Variants in RNF2 observed in about 807,000 individuals in gnomAD.
The protein encoded by RNF2 is E3 ubiquitin-protein ligase RING2.
RNF2 carries 6 observed loss-of-function variants against 37.2 expected under a neutral mutation model. That is an observed-to-expected ratio of 0.16 (90% CI 0.09 to 0.32). The LOEUF (loss-of-function observed/expected upper bound fraction) is 0.32. RNF2 is among the 10% of genes least tolerant of loss of function. The pLI is 1.00. For synonymous variants in RNF2, 133 were observed against 132.7 expected, an observed-to-expected ratio of 1.00 and a Z score of -0.02; for missense variants, 251 against 404.0, an observed-to-expected ratio of 0.62 and a Z score of 3.25.
chr1:185,057,545 A>C (rs184621980), intron 1 of RNF2, among the ~76,000 whole-genome samples: 1 of 152,102 alleles, frequency 6.6e-6, no homozygotes, highest in East Asian at 1.9e-4. Flanking sequence ...CCGTAAGTTT[A>C]CCTTTCCAAG....
chr1:185,097,823 C>G (rs1651955105), intron 4 of RNF2, among the ~76,000 whole-genome samples: 1 of 152,242 alleles, frequency 6.6e-6, no homozygotes, highest in South Asian at 2.1e-4. Flanking sequence ...GTGTGAACCA[C>G]CGTGCCTGGC....
chr1:185,075,161 T>C (rs574041842), intron 1 of RNF2, among the ~76,000 whole-genome samples: 53 of 152,236 alleles, frequency 3.5e-4, no homozygotes, highest in African/African-American at 1.3e-3. Context: ...ACCTGGCTAA[T>C]TTTTTTATTT....
intron 1 of RNF2, among the ~76,000 whole-genome samples, chr1:185,059,499 T>C (rs930555584): frequency 6.6e-6 from 1 of 151,990 alleles, no homozygotes; most frequent in Non-Finnish European, 1.5e-5. Context: ...CAAATTAGTG[T>C]TATCTCTAAT....
intron 1 of RNF2, among the ~76,000 whole-genome samples, chr1:185,048,534 AGTT>A (rs1263368077): frequency 6.6e-6 from 1 of 152,210 alleles, no homozygotes; most frequent in Non-Finnish European, 1.5e-5. Context: ...AATGGTGAAA[AGTT>A]ATTTTTGAAA....
In RNF2 at chr1:185,100,307, T is replaced by TA. The variant is rs1218885121; in HGVS notation, c.*11dup. The TA allele has an allele frequency of 1.9e-6, 3 of 1,586,926 alleles. No individual in the cohort carries two copies. The African/African-American group carries it at 4.1e-5, about 22-fold the overall frequency. On this transcript the variant is annotated 3_prime_UTR_variant, in exon 7 of 7. Coordinates refer to ENST00000367510, the MANE Select transcript of RNF2 (RefSeq NM_007212.4). ...CTACAAAGGAGCACAAATGAGCCTT[T>TA]AAAAACCAATTCTGAGACTGAACTT...
At chr1:185,078,050 A>G (rs901840748) in intron 1 of RNF2, among the ~76,000 whole-genome samples, 7 of 152,202 alleles carry the variant, frequency 4.6e-5, no homozygotes, top group African/African-American at 7.2e-5. Context: ...GTTCGAGACT[A>G]GCCCGGCCAA....
chr1:185,093,026 A>G (rs772114070), intron 3 of RNF2, 35 bp from the exon 4 acceptor site: 2 of 1,591,124 alleles, frequency 1.3e-6, no homozygotes, highest in Admixed American at 1.7e-5. Context: ...AGATACTAGC[A>G]TTGTTTACAT....
At position 185,082,345 on chromosome 1, in the gene RNF2, CTTTTTTTT is replaced by C. The variant is rs3036553; in HGVS notation, c.-2-5192_-2-5185del. 4.0e-4 allele frequency among the ~76,000 whole-genome samples: 29 copies of C among 71,988 alleles called. 1 individual carries two copies. The East Asian group carries it at 4.5e-3, about 11-fold the overall frequency. 47.2% of individuals were successfully genotyped at this position (71,988 alleles called of 152,430 possible). On this transcript the variant is annotated intron_variant, in intron 1 of 6. Coordinates refer to ENST00000367510, the MANE Select transcript of RNF2 (RefSeq NM_007212.4). ...CAAGGTTCTTGTCTCCTCTGCAGAA[CTTTTTTTT>C]TTTTTTTTTTTTTTGAAGACAGAGT...
intron 1 of RNF2, among the ~76,000 whole-genome samples, chr1:185,085,505 A>G (rs763004286): frequency 1.3e-5 from 2 of 151,772 alleles, no homozygotes; most frequent in Non-Finnish European, 2.9e-5. Flanking sequence ...CTCTGTGTCC[A>G]TGTTTAATTG....
chr1:185,073,189 T>A (rs1015524722), intron 1 of RNF2, among the ~76,000 whole-genome samples: 1 of 152,154 alleles, frequency 6.6e-6, no homozygotes, highest in Non-Finnish European at 1.5e-5. Flanking sequence ...CATAGATTTT[T>A]ATGGGTTTTT....
At chr1:185,075,723 A>G (rs1469967373) in intron 1 of RNF2, among the ~76,000 whole-genome samples, 1 of 152,100 alleles carries the variant, frequency 6.6e-6, no homozygotes, top group Non-Finnish European at 1.5e-5. Context: ...GTGAGAACTC[A>G]TTAACACGAG....
In RNF2 at chr1:185,091,692, T is replaced by C; in HGVS notation, c.201T>C (p.Cys67=). The C allele has an allele frequency of 1.2e-6, 2 of 1,614,192 alleles. No homozygotes were observed. The highest frequency in any genetic ancestry group is 1.7e-6 in the Non-Finnish European group (2 of 1,180,020). The change falls in exon 3 of 7, where the codon TGT becomes TGC. Residue 67 remains cysteine, a synonymous_variant. Transcript: ENST00000367510. ...AGAACACCATGACTACAAAGGAGTG[T>C]TTACATCGTTTTTGTGCAGACTGCA... is the stretch of plus-strand genomic sequence containing the variant. The part of the protein sequence containing the change: ...MLKNTMTTKE[C]LHRFCADCII...
chr1:185,086,545 T>A (rs1230148998), intron 1 of RNF2, among the ~76,000 whole-genome samples: 2 of 152,208 alleles, frequency 1.3e-5, no homozygotes, highest in African/African-American at 4.8e-5. Flanking sequence ...AACTAGGATA[T>A]TTAGCCAAAA....
At chr1:185,090,705 G>A (rs777950361) in intron 2 of RNF2, among the ~76,000 whole-genome samples, 13 of 152,108 alleles carry the variant, frequency 8.5e-5, no homozygotes, top group Non-Finnish European at 1.5e-4. Flanking sequence ...TACAATTCTC[G>A]CCATACTAGA....
chr1:185,066,159 C>G (rs186620160), intron 1 of RNF2, among the ~76,000 whole-genome samples: 1 of 152,128 alleles, frequency 6.6e-6, no homozygotes, highest in Admixed American at 6.5e-5. Context: ...TTTCTCAGAT[C>G]CATCCTTTAC....
rs1220484887 is a variant in RNF2, at chr1:185,081,653, A to G, written c.-2-5899A>G. 2.6e-5 allele frequency among the ~76,000 whole-genome samples: 4 copies of G among 151,540 alleles called. No homozygotes were observed. In the East Asian group the frequency reaches 7.8e-4, roughly 30 times the overall value. Reference sequence around the variant, plus strand: ...CTTGAACTCCTGACCTCAGGTGATCACCTGCCCCAACCTCCCGAAGTGCTG... The same window carrying G: ...CTTGAACTCCTGACCTCAGGTGATCGCCTGCCCCAACCTCCCGAAGTGCTG... On this transcript the variant is annotated intron_variant, in intron 1 of 6. Transcript: ENST00000367510.
intron 1 of RNF2, among the ~76,000 whole-genome samples, chr1:185,065,787 A>G (rs990961648): frequency 6.6e-6 from 1 of 152,226 alleles, no homozygotes; most frequent in Admixed American, 6.5e-5. Flanking sequence ...ACTGGAAGGC[A>G]TAAACTCTGG....
intron 1 of RNF2, among the ~76,000 whole-genome samples, chr1:185,060,380 C>A (rs189598458): frequency 2.5e-4 from 38 of 152,258 alleles, no homozygotes; most frequent in African/African-American, 8.9e-4. Flanking sequence ...CTGGATACTG[C>A]CACCACATAA....
intron 1 of RNF2, among the ~76,000 whole-genome samples, chr1:185,062,230 C>A (rs1225469663): frequency 2.6e-5 from 4 of 152,052 alleles, no homozygotes; most frequent in Non-Finnish European, 5.9e-5. Context: ...TATTTTGTAA[C>A]CTTATTAAGG....
Sources: gnomAD v4.1 joint callset for allele counts (sites outside exome capture counted in the v4.1 genomes callset) on GRCh38, gnomAD v4.1.1 for gene constraint, MANE v1.5 for transcripts, NCBI Gene and HGNC (gene_info 2026-07-23, HGNC 2026-07-21) for gene names.